Variants in CHL1 observed in about 807,000 individuals in gnomAD.
CHL1 encodes the protein cell adhesion molecule L1 like, also known as neural cell adhesion molecule L1-like protein.
In CHL1, 96 loss-of-function variants were observed where a neutral mutation model predicts 141.9. That is an observed-to-expected ratio of 0.68 (90% CI 0.57 to 0.80). The LOEUF (loss-of-function observed/expected upper bound fraction) is 0.80, where lower values mean the gene tolerates loss of function less well. CHL1 is among the 30% of genes least tolerant of loss of function. The pLI is 0.00. For synonymous variants in CHL1, 613 were observed against 502.2 expected (o/e 1.22, Z -2.95); for missense variants, 1,820 against 1,457.2 (o/e 1.25, Z -4.05).
intron 12 of CHL1, among the ~76,000 whole-genome samples, 163 bp downstream of exon 12, chr3:360,587 TTTC>T (rs1704138000): frequency 1.0e-4 from 1 of 9,628 alleles, no homozygotes; most frequent in African/African-American, 1.5e-4. Flanking sequence ...GAAATTGTAC[TTTC>T]TTTTTTTTTT....
chr3:233,623 T>A lies in CHL1; in HGVS notation c.-174-10990T>A, dbSNP rs188678180. ...TTTTTCTTTCTAATGTTATTTCTCA[T>A]GTAGACATTGATACATAGTATTTTT... On this transcript the variant is annotated intron_variant, in intron 1 of 27. Coordinates refer to ENST00000256509, the MANE Select transcript of CHL1 (RefSeq NM_006614.4). Among the ~76,000 whole-genome samples the A allele has an allele frequency of 1.0e-3, 155 of 152,304 alleles. 2 individuals are homozygous for A. In the South Asian group the frequency reaches 0.028, roughly 28 times the overall value.
chr3:206,889 C>A (rs185144191), intron 1 of CHL1, among the ~76,000 whole-genome samples: 2 of 152,278 alleles, frequency 1.3e-5, no homozygotes, highest in East Asian at 1.9e-4. Context: ...TATATGTAAC[C>A]AATTGCATTT....
chr3:384,634 T>A (rs1373614548), intron 19 of CHL1: 1 of 152,228 alleles, frequency 6.6e-6, no homozygotes, highest in Non-Finnish European at 1.5e-5. Flanking sequence ...ATTTTCTCTC[T>A]ACTACTTGGA....
In CHL1 at chr3:221,594, G is replaced by A. The variant is rs141133961; in HGVS notation, c.-174-23019G>A. Among the ~76,000 whole-genome samples, 417 of 152,272 alleles carry A rather than the reference G, an allele frequency of 2.7e-3. 1 individual carries two copies. Among genetic ancestry groups the A allele is most frequent in the African/African-American group, 9.6e-3 (398 of 41,544 alleles). On this transcript the variant is annotated intron_variant, in intron 1 of 27. Coordinates refer to ENST00000256509, the MANE Select transcript of CHL1 (RefSeq NM_006614.4). ...CAACCCAGTTAGTTCCTTAAAAGAG[G>A]AAAAGTAGAGGGAATTCGCATGAGC... is the stretch of plus-strand genomic sequence containing the variant.
intron 23 of CHL1, among the ~76,000 whole-genome samples, chr3:392,246 G>C (rs1475780083): frequency 6.6e-6 from 1 of 152,222 alleles, no homozygotes; most frequent in Non-Finnish European, 1.5e-5. Context: ...AAGAGTTATT[G>C]AGTGATGTGA....
intron 15 of CHL1, among the ~76,000 whole-genome samples, chr3:369,436 TG>T (rs1705338211): frequency 6.6e-6 from 1 of 152,236 alleles, no homozygotes; most frequent in Admixed American, 6.5e-5. Flanking sequence ...TTGTGATTTT[TG>T]CACATTGATT....
In CHL1 at chr3:401,676, G is replaced by C. The variant is rs574347521; in HGVS notation, c.3436G>C (p.Asp1146His). The C allele has an allele frequency of 6.2e-5, 98 of 1,592,650 alleles. No homozygotes were observed. Among genetic ancestry groups the C allele is most frequent in the Non-Finnish European group, 8.2e-5 (96 of 1,169,426 alleles). Residue 1146 changes from aspartate (D) to histidine (H), a missense_variant, in exon 27 of 28, where the codon GAT (aspartate) becomes CAT (histidine). Transcript: ENST00000256509. ...AGACCCAGAAATTCAGTCAGTAAAA[G>C]ATGAAACCTTTGGTGAATACAGGTA... Reference protein sequence around the residue: ...HPDPEIQSVKDETFGEYSDSD... With the variant: ...HPDPEIQSVKHETFGEYSDSD...
rs1013898146 is a variant in CHL1, at chr3:391,744, T to A, written c.2861T>A (p.Leu954Gln). 1.7e-5 allele frequency: 28 copies of A among 1,601,404 alleles called. No homozygotes were observed. Among genetic ancestry groups the A allele is most frequent in the African/African-American group, 8.1e-5 (6 of 74,460 alleles). ...GACACTGCCACTTTATCTTGGGGAC[T>A]ACCTAAGAAATTAAATGGAAACTTA... ...DKDTATLSWGLPKKLNGNLTG... is the reference protein window; with the variant it reads ...DKDTATLSWGQPKKLNGNLTG... The change falls in exon 23 of 28, where the codon CTA (leucine) becomes CAA (glutamine). Residue 954 changes from leucine (L) to glutamine (Q), a missense_variant. Leu to Gln is a moderately radical substitution (Grantham distance 113). Coordinates refer to ENST00000256509, the MANE Select transcript of CHL1 (RefSeq NM_006614.4).
At chr3:371,475 C>T (rs2125326991) in intron 15 of CHL1, among the ~76,000 whole-genome samples, 1 of 152,212 alleles carries the variant, frequency 6.6e-6, no homozygotes, top group East Asian at 1.9e-4. Flanking sequence ...TTCCTCCATC[C>T]CTTTATTTTG....
rs151287592 is a variant in CHL1 at position 273,330 on chromosome 3, T to C, written c.-95+28638T>C. 2.1e-3 allele frequency among the ~76,000 whole-genome samples: 317 copies of C among 152,300 alleles called. 2 individuals are homozygous for C. The highest frequency in any genetic ancestry group is 7.2e-3 in the African/African-American group (299 of 41,578). ...TGGGAAGTGGTTAGTTTGCCCCACC[T>C]GGACCAAAGGAGAGTTCCTTACCCA... is the stretch of plus-strand genomic sequence containing the variant. On this transcript the variant is annotated intron_variant, in intron 2 of 27. Transcript: ENST00000256509.
intron 1 of CHL1, among the ~76,000 whole-genome samples, chr3:199,810 T>C (rs1427980605): frequency 6.6e-6 from 1 of 152,242 alleles, no homozygotes; most frequent in Non-Finnish European, 1.5e-5. Context: ...AATTGCTTTG[T>C]TGAAATAATT....
intron 2 of CHL1, among the ~76,000 whole-genome samples, chr3:287,455 C>A (rs1438914967): frequency 2.0e-5 from 3 of 152,144 alleles, no homozygotes; most frequent in Admixed American, 6.5e-5. Flanking sequence ...CTGAGACACG[C>A]AAGCCATTTG....
intron 2 of CHL1, among the ~76,000 whole-genome samples, chr3:310,780 G>C (rs1050860125): frequency 1.3e-5 from 2 of 152,080 alleles, no homozygotes; most frequent in African/African-American, 4.8e-5. Context: ...GTTTCTTTTG[G>C]TGTATACATT....
intron 1 of CHL1, chr3:197,891 G>A (rs1462163113): frequency 1.4e-5 from 6 of 416,586 alleles, no homozygotes; most frequent in Non-Finnish European, 1.9e-5. Context: ...TTTTTTTGGA[G>A]TGTGAGTGTG....
At chr3:290,039 A>G (rs988363975) in intron 2 of CHL1, among the ~76,000 whole-genome samples, 9 of 148,556 alleles carry the variant, frequency 6.1e-5, no homozygotes, top group Non-Finnish European at 1.3e-4. Context: ...CTCACCCCTC[A>G]TTGAAGCTTG....
intron 2 of CHL1, among the ~76,000 whole-genome samples, chr3:280,311 G>A (rs1263428336): frequency 1.3e-5 from 2 of 151,840 alleles, no homozygotes; most frequent in African/African-American, 4.8e-5. Context: ...GCACTGTCAT[G>A]GATGGTAGCT....
chr3:240,610 C>G (rs1054775412), intron 1 of CHL1, among the ~76,000 whole-genome samples: 1 of 152,074 alleles, frequency 6.6e-6, no homozygotes. Context: ...TAAGTCCCAC[C>G]TATTTATCTT....
At chr3:337,760 T>A (rs898992056) in intron 5 of CHL1, among the ~76,000 whole-genome samples, 2 of 152,208 alleles carry the variant, frequency 1.3e-5, no homozygotes, top group Non-Finnish European at 2.9e-5. Context: ...TAATCCAGTC[T>A]ATCATTGTTG....
Position 251,370 on chromosome 3 carries a change from C to T in CHL1, c.-95+6678C>T, listed in dbSNP as rs140938432. 2.6e-3 allele frequency among the ~76,000 whole-genome samples: 403 copies of T among 152,184 alleles called. 2 individuals are homozygous for T. Among genetic ancestry groups the T allele is most frequent in the Non-Finnish European group, 4.6e-3 (310 of 68,002 alleles). On this transcript the variant is annotated intron_variant, in intron 2 of 27. Transcript: ENST00000256509. ...TTCCAGCTTTAACTCAGCAACTTTT[C>T]GGTTGAAGATTTGGACAAACTAGTC...
Sources: allele counts gnomAD v4.1 joint callset (sites outside exome capture counted in the v4.1 genomes callset), GRCh38; gene constraint gnomAD v4.1.1; transcripts MANE v1.5; gene names NCBI Gene and HGNC (gene_info 2026-07-23, HGNC 2026-07-21).